The following PRKCB variants were observed in gnomAD, a reference collection of about 807,000 sequenced individuals.
PRKCB encodes protein kinase C beta type.
A neutral mutation model predicts 81.5 loss-of-function variants in PRKCB; 13 were observed. The ratio of observed to expected loss-of-function variants is 0.16; its 90% CI spans 0.10 to 0.25. The LOEUF (loss-of-function observed/expected upper bound fraction) is 0.25, where lower values mean the gene tolerates loss of function less well. Among genes scored for constraint, PRKCB ranks in the 10% least tolerant of loss-of-function variants. The pLI is 1.00. For synonymous variants in PRKCB, 335 were observed against 321.4 expected (o/e 1.04, Z -0.45); for missense variants, 509 against 875.7 (o/e 0.58, Z 5.29).
intron 2 of PRKCB, among the ~76,000 whole-genome samples, chr16:23,958,915 C>T (rs1249917365): frequency 1.3e-5 from 2 of 152,102 alleles, no homozygotes; most frequent in Non-Finnish European, 2.9e-5. Flanking sequence ...GAGCCAGATG[C>T]CAGACCCAGT....
At chr16:23,948,467 G>A (rs767464621) in intron 2 of PRKCB, among the ~76,000 whole-genome samples, 1 of 152,064 alleles carries the variant, frequency 6.6e-6, no homozygotes, top group South Asian at 2.1e-4. Flanking sequence ...GCAGTGGTGC[G>A]ATCTTGGCTC....
chr16:23,981,778 C>T (rs1327415870), intron 2 of PRKCB, among the ~76,000 whole-genome samples: 4 of 22,726 alleles, frequency 1.8e-4, no homozygotes, highest in East Asian at 1.4e-3. Flanking sequence ...TTCCCTTCCC[C>T]TTCCCTTCCC....
intron 2 of PRKCB, among the ~76,000 whole-genome samples, chr16:23,917,943 T>C (rs561209331): frequency 1.3e-5 from 2 of 152,380 alleles, no homozygotes; most frequent in South Asian, 4.1e-4. Flanking sequence ...TTGGTTTCTT[T>C]GTCTTTCTTG....
At chr16:24,061,763 C>T (rs1167678511) in intron 5 of PRKCB, among the ~76,000 whole-genome samples, 1 of 151,586 alleles carries the variant, frequency 6.6e-6, no homozygotes, top group East Asian at 1.9e-4. Flanking sequence ...AATAACTTCC[C>T]GGGAGGGAAA....
chr16:23,913,656 A>C (rs146655869), intron 2 of PRKCB, among the ~76,000 whole-genome samples: 1,605 of 152,306 alleles, frequency 0.011, 19 homozygotes, highest in Middle Eastern at 0.068. Flanking sequence ...GGAGAGGGGA[A>C]AAAATAAGCA....
intron 3 of PRKCB, among the ~76,000 whole-genome samples, chr16:23,991,855 G>T (rs1175317582): frequency 6.6e-6 from 1 of 152,150 alleles, no homozygotes; most frequent in Non-Finnish European, 1.5e-5. Flanking sequence ...ATCACATATT[G>T]CCAGAAGAAT....
intron 7 of PRKCB, chr16:24,098,409 G>A (rs997489278): frequency 6.6e-6 from 1 of 152,130 alleles, no homozygotes; most frequent in African/African-American, 2.4e-5. Context: ...CTGATATACA[G>A]GACAATAGAA....
intron 3 of PRKCB, among the ~76,000 whole-genome samples, chr16:24,026,271 C>T (rs1000793372): frequency 6.6e-6 from 1 of 152,166 alleles, no homozygotes; most frequent in Admixed American, 6.5e-5. Context: ...CTCCAGCCTG[C>T]ATGACAGAGC....
At chr16:24,125,016 A>G (rs1019929715) in intron 9 of PRKCB, among the ~76,000 whole-genome samples, 1 of 152,174 alleles carries the variant, frequency 6.6e-6, no homozygotes, top group South Asian at 2.1e-4. Context: ...TGGTTTCTCA[A>G]TCCCAATCTT....
At chr16:24,133,359 C>T (rs1371407226) in intron 9 of PRKCB, among the ~76,000 whole-genome samples, 1 of 152,172 alleles carries the variant, frequency 6.6e-6, no homozygotes, top group African/African-American at 2.4e-5. Flanking sequence ...GTAAATAACA[C>T]ATGTGCCCTG....
chr16:24,053,082 C>G (rs1965862076), intron 5 of PRKCB, among the ~76,000 whole-genome samples: 3 of 152,222 alleles, frequency 2.0e-5, no homozygotes, highest in Non-Finnish European at 4.4e-5. Context: ...TTTCATGGCT[C>G]TGACTTCCTG....
intron 10 of PRKCB, among the ~76,000 whole-genome samples, chr16:24,168,298 G>A (rs1166143604): frequency 6.6e-6 from 1 of 152,128 alleles, no homozygotes; most frequent in South Asian, 2.1e-4. Flanking sequence ...TTCAAATACT[G>A]TATTGACTTA....
intron 5 of PRKCB, among the ~76,000 whole-genome samples, chr16:24,088,514 G>A (rs1966335740): frequency 6.6e-6 from 1 of 151,964 alleles, no homozygotes. Context: ...ATCACTCGTG[G>A]CCAGGAGTTT....
chr16:23,892,472 T>G (rs1006713205), intron 2 of PRKCB, among the ~76,000 whole-genome samples: 5 of 152,356 alleles, frequency 3.3e-5, no homozygotes, highest in African/African-American at 1.2e-4. Flanking sequence ...TCTTAAGGGA[T>G]GAGCCTGCTA....
chr16:23,886,657 C>T (rs1209475904), intron 2 of PRKCB, among the ~76,000 whole-genome samples: 1 of 152,122 alleles, frequency 6.6e-6, no homozygotes, highest in Non-Finnish European at 1.5e-5. Context: ...AAGTGATCGG[C>T]CTGCCTTGGC....
At chr16:23,875,598 T>TATATGTATGTATATCACACATAC (rs1555480956) in intron 2 of PRKCB, among the ~76,000 whole-genome samples, 1 of 108,076 alleles carries the variant, frequency 9.3e-6, no homozygotes, top group Admixed American at 8.7e-5. Context: ...ATCACACACA[T>TATATGTATGTATATCACACATAC]ATGTATGTAT....
intron 13 of PRKCB, 89 bp downstream of exon 13, chr16:24,181,017 G>C: frequency 1.3e-6 from 2 of 1,502,062 alleles, no homozygotes; most frequent in Admixed American, 4.1e-5. Flanking sequence ...GGTTGAGGGT[G>C]GTACCTTGCA....
chr16:23,849,984 C>T (rs1421373641), intron 2 of PRKCB, among the ~76,000 whole-genome samples: 1 of 152,170 alleles, frequency 6.6e-6, no homozygotes, highest in African/African-American at 2.4e-5. Context: ...TTCCCTCATC[C>T]CAGATTCTGG....
At chr16:23,868,275 C>T (rs1248236892) in intron 2 of PRKCB, among the ~76,000 whole-genome samples, 1 of 152,082 alleles carries the variant, frequency 6.6e-6, no homozygotes, top group Non-Finnish European at 1.5e-5. Context: ...GTGCACTGAC[C>T]CGTTTTGCAG....
Sources: gnomAD v4.1 joint callset for allele counts (sites outside exome capture counted in the v4.1 genomes callset) on GRCh38, gnomAD v4.1.1 for gene constraint, MANE v1.5 for transcripts, NCBI Gene and HGNC (gene_info 2026-07-23, HGNC 2026-07-21) for gene names.